The following GTF3C5 variants were observed in gnomAD, a reference collection of about 807,000 sequenced individuals.
GTF3C5 encodes general transcription factor IIIC subunit 5.
A neutral mutation model predicts 61.0 loss-of-function variants in GTF3C5; 47 were observed. The observed-to-expected ratio is 0.77, with a 90% CI of 0.61 to 0.98. GTF3C5 has a LOEUF of 0.98. Among genes scored for constraint, GTF3C5 ranks in the 50% least tolerant of loss-of-function variants. The pLI is 0.00. For missense variants in GTF3C5, 659 were observed against 703.3 expected, an observed-to-expected ratio of 0.94 and a Z score of 0.71; for synonymous variants, 295 against 275.4, an observed-to-expected ratio of 1.07 and a Z score of -0.71.
intron 3 of GTF3C5, among the ~76,000 whole-genome samples, chr9:133,049,297 C>T (rs1850302597): frequency 6.6e-6 from 1 of 152,246 alleles, no homozygotes; most frequent in South Asian, 2.1e-4. Flanking sequence ...ACCCGGTTTT[C>T]CTGGGGAACA....
chr9:133,040,298 G>A (rs1850000356), intron 1 of GTF3C5, among the ~76,000 whole-genome samples: 1 of 152,172 alleles, frequency 6.6e-6, no homozygotes, highest in African/African-American at 2.4e-5. Flanking sequence ...CTTCCTAAGG[G>A]ACAGACCCTG....
intron 1 of GTF3C5, among the ~76,000 whole-genome samples, chr9:133,032,389 C>T (rs1028854407): frequency 6.6e-6 from 1 of 151,984 alleles, no homozygotes; most frequent in African/African-American, 2.4e-5. Context: ...GGTGGGAAGA[C>T]TAGTTTCGGC....
At chr9:133,055,481 A>T in intron 8 of GTF3C5, 18 of 1,213,666 alleles carry the variant, frequency 1.5e-5, no homozygotes, top group Non-Finnish European at 1.9e-5. Flanking sequence ...AGGGGCGATC[A>T]TGCCACAGCC....
chr9:133,057,685 A>AC (rs1276337487), intron 10 of GTF3C5, 129 bp from the exon 11 acceptor site: 14 of 800,400 alleles, frequency 1.7e-5, no homozygotes, highest in East Asian at 1.1e-4. Context: ...ATACTTACCC[A>AC]CCAGCTTCTT....
In GTF3C5 at chr9:133,054,593, C is replaced by T. The variant is rs1409257524; in HGVS notation, c.1069+105C>T. ...GGTTCCTGGGGGTCACTCCAGGGCTCTGCCGGTCATTCCTCCCCTAGGAGG... is the reference window on the plus strand; with the variant it reads ...GGTTCCTGGGGGTCACTCCAGGGCTTTGCCGGTCATTCCTCCCCTAGGAGG... On this transcript the variant is annotated intron_variant, in intron 7 of 10. Transcript: ENST00000372097. The T allele has an allele frequency of 1.3e-5, 19 of 1,418,366 alleles. No individual in the cohort carries two copies. The East Asian group carries it at 4.4e-4, about 33-fold the overall frequency. The allele number at this position is 1,418,366 out of a possible 1,614,324, so 87.9% of individuals were successfully genotyped here.
At chr9:133,045,898 A>G (rs1850188014) in intron 3 of GTF3C5, among the ~76,000 whole-genome samples, 1 of 152,122 alleles carries the variant, frequency 6.6e-6, no homozygotes, top group South Asian at 2.1e-4. Context: ...CAGCCTCCCA[A>G]GGTGCTGGGA....
chr9:133,058,098 G>C lies in GTF3C5; in HGVS notation c.*118G>C. On this transcript the variant is annotated 3_prime_UTR_variant, in exon 11 of 11. Coordinates refer to ENST00000372097, the MANE Select transcript of GTF3C5 (RefSeq NM_012087.4). ...GAATGGCCCTAGGAGGCCCTCTGAG[G>C]AGAGCTAGAGTCCCAGCAAAGGGTG... The C allele has an allele frequency of 4.6e-6, 7 of 1,529,122 alleles. No homozygotes were observed. The highest frequency in any genetic ancestry group is 6.1e-6 in the Non-Finnish European group (7 of 1,142,478). 94.7% of individuals were successfully genotyped at this position (1,529,122 alleles called of 1,614,324 possible).
At chr9:133,041,058 G>T (rs1850024814) in intron 1 of GTF3C5, among the ~76,000 whole-genome samples, 2 of 152,262 alleles carry the variant, frequency 1.3e-5, no homozygotes, top group Non-Finnish European at 2.9e-5. Flanking sequence ...CGAGCCTTCT[G>T]TTATGCCCAG....
rs141449140 is a variant in GTF3C5, at chr9:133,047,074, A to G, written c.572+3148A>G. ...AGTGAGCAACATTCTGCTCCTCTCC[A>G]CCCCCAGTGGCACAGTGCTGCCTTC... On this transcript the variant is annotated intron_variant, in intron 3 of 10. Coordinates refer to ENST00000372097, the MANE Select transcript of GTF3C5 (RefSeq NM_012087.4). 2.0e-3 allele frequency among the ~76,000 whole-genome samples: 301 copies of G among 152,052 alleles called. 1 individual carries two copies. Among genetic ancestry groups the G allele is most frequent in the Middle Eastern group, 6.8e-3 (2 of 294 alleles).
chr9:133,043,618 C>T, intron 2 of GTF3C5, 110 bp from the exon 3 acceptor site: 1 of 843,966 alleles, frequency 1.2e-6, no homozygotes, highest in Non-Finnish European at 2.0e-6. Context: ...ACCCTGCAGC[C>T]TCCACCACAT....
intron 3 of GTF3C5, among the ~76,000 whole-genome samples, chr9:133,049,396 CT>C (rs1168848296): frequency 3.3e-5 from 5 of 152,192 alleles, no homozygotes; most frequent in Admixed American, 3.3e-4. Flanking sequence ...TCCCGTCTTT[CT>C]AGTTTTGTTT....
intron 8 of GTF3C5, chr9:133,055,085 C>T: frequency 6.5e-7 from 1 of 1,550,384 alleles, no homozygotes; most frequent in Non-Finnish European, 8.7e-7. Context: ...TTCTCGAGCC[C>T]TTTGGGAGCC....
chr9:133,039,391 G>A (rs183903044), intron 1 of GTF3C5, among the ~76,000 whole-genome samples: 9 of 152,102 alleles, frequency 5.9e-5, no homozygotes, highest in Non-Finnish European at 1.3e-4. Context: ...GTTCACTTCT[G>A]TACTTCTTTA....
At chr9:133,054,613 A>G in intron 7 of GTF3C5, 99 bp from the exon 8 acceptor site, 1 of 1,392,342 alleles carries the variant, frequency 7.2e-7, no homozygotes, top group Admixed American at 2.0e-5. Context: ...TTCCTCCCCT[A>G]GGAGGGGGTG....
intron 3 of GTF3C5, among the ~76,000 whole-genome samples, chr9:133,048,633 C>G (rs1304996323): frequency 6.6e-6 from 1 of 152,206 alleles, no homozygotes. Context: ...CGTGCCATTG[C>G]ACTCCAGCCT....
At chr9:133,038,450 C>CTTTT (rs1185522066) in intron 1 of GTF3C5, among the ~76,000 whole-genome samples, 2 of 129,770 alleles carry the variant, frequency 1.5e-5, no homozygotes, top group South Asian at 2.5e-4. Flanking sequence ...CCCCTAGGAG[C>CTTTT]TTTTTTTTTT....
At chr9:133,034,590 C>T (rs1412000516) in intron 1 of GTF3C5, among the ~76,000 whole-genome samples, 1 of 152,108 alleles carries the variant, frequency 6.6e-6, no homozygotes, top group Non-Finnish European at 1.5e-5. Context: ...TTTCACCTGG[C>T]GTGTAGTGTG....
In GTF3C5 at chr9:133,054,059, C is replaced by T. The variant is rs1588479075; in HGVS notation, c.988+117C>T. On this transcript the variant is annotated intron_variant, in intron 6 of 10. Transcript: ENST00000372097. ...TGGAAAGAATAAAAAAACCTTTTGC[C>T]CCCGTTGCTGAGACTCTTTTGAATG... 1.3e-5 allele frequency: 10 copies of T among 741,640 alleles called. No homozygotes were observed. In the East Asian group the frequency reaches 2.7e-4, roughly 20 times the overall value. 45.9% of individuals were successfully genotyped at this position (741,640 alleles called of 1,614,324 possible). A position where few individuals can be genotyped will look rare whatever the true frequency, so the allele number is the denominator to read the frequency against.
At chr9:133,037,191 A>C (rs1049934839) in intron 1 of GTF3C5, among the ~76,000 whole-genome samples, 1 of 152,186 alleles carries the variant, frequency 6.6e-6, no homozygotes, top group African/African-American at 2.4e-5. Context: ...GTCCTCAGAC[A>C]AGGGGCATGC....
Sources: gnomAD v4.1 joint callset for allele counts (sites outside exome capture counted in the v4.1 genomes callset) on GRCh38, gnomAD v4.1.1 for gene constraint, MANE v1.5 for transcripts, NCBI Gene and HGNC (gene_info 2026-07-23, HGNC 2026-07-21) for gene names.